The following CABIN1 variants were observed in gnomAD, a reference collection of about 807,000 sequenced individuals.
CABIN1 encodes calcineurin-binding protein cabin-1.
Under a neutral mutation model 227.7 loss-of-function variants are expected in CABIN1, and 133 were observed. That is an observed-to-expected ratio of 0.58 (90% CI 0.51 to 0.67). CABIN1 has a LOEUF of 0.67. Among genes scored for constraint, CABIN1 ranks in the 30% least tolerant of loss-of-function variants. CABIN1 has a pLI of 0.00. For synonymous variants in CABIN1, 1,086 were observed against 1,155.1 expected (o/e 0.94, Z 1.21); for missense variants, 2,408 against 2,852.5 (o/e 0.84, Z 3.55).
intron 29 of CABIN1, among the ~76,000 whole-genome samples, chr22:24,159,686 G>A (rs2046038879): frequency 6.6e-6 from 1 of 152,210 alleles, no homozygotes; most frequent in Non-Finnish European, 1.5e-5. Context: ...ATGGGGCAGG[G>A]GGTTGCATCT....
At position 24,041,153 on chromosome 22, in the gene CABIN1, T is replaced by C; in HGVS notation, c.225T>C (p.Gly75=). The C allele has an allele frequency of 6.2e-7, 1 of 1,614,076 alleles. No homozygotes were observed. Among genetic ancestry groups the C allele is most frequent in the Non-Finnish European group, 8.5e-7 (1 of 1,180,004 alleles). ...TTTGTTCACAGGCAGTTTCATCCGG[T>C]GATGAGAAAGAGGGGTTGAAACACC... ...ASLLREAVSS[G]DEKEGLKHPG... is the part of the protein sequence containing the mutation. Residue 75 remains glycine (G), a synonymous_variant, in exon 5 of 37, where the codon GGT becomes GGC. Transcript: ENST00000263119.
rs761000263 is a variant in CABIN1 at position 24,177,541 on chromosome 22, G to A, written c.6243G>A (p.Glu2081=). ...KLRPEPRRDG[E]AQEAASETQP... ...GGCCTGAGCCGAGAAGGGATGGGGAGGCTCAGGAGGCTGCGAGTGAGACTC... is the reference window on the plus strand; with the variant it reads ...GGCCTGAGCCGAGAAGGGATGGGGAAGCTCAGGAGGCTGCGAGTGAGACTC... The change falls in exon 36 of 37, where the codon GAG becomes GAA. Residue 2081 remains glutamate (E), a synonymous_variant. Coordinates refer to ENST00000263119, the MANE Select transcript of CABIN1 (RefSeq NM_012295.4). The surrounding 1 kb of genome is among the most constrained non-coding windows in gnomAD (Gnocchi z 4.4). The A allele has an allele frequency of 7.1e-6, 11 of 1,559,316 alleles. No homozygotes were observed. The highest frequency in any genetic ancestry group is 9.6e-6 in the Non-Finnish European group (11 of 1,149,134).
At chr22:24,081,773 T>C (rs1324924543) in intron 19 of CABIN1, among the ~76,000 whole-genome samples, 1 of 152,190 alleles carries the variant, frequency 6.6e-6, no homozygotes, top group African/African-American at 2.4e-5. Flanking sequence ...ACGCCTGTAA[T>C]CCCAGCACTT....
At chr22:24,098,621 A>G (rs997094010) in intron 26 of CABIN1, among the ~76,000 whole-genome samples, 1 of 152,096 alleles carries the variant, frequency 6.6e-6, no homozygotes, top group African/African-American at 2.4e-5. Flanking sequence ...AGGTTGAGGG[A>G]AGGCCGTGAC....
chr22:24,128,278 A>G (rs1189343672), intron 28 of CABIN1, among the ~76,000 whole-genome samples: 1 of 122,120 alleles, frequency 8.2e-6, no homozygotes, highest in African/African-American at 3.1e-5. Flanking sequence ...ATGACTTCTA[A>G]TGCCTACACA....
At chr22:24,108,069 A>G (rs188679249) in intron 26 of CABIN1, among the ~76,000 whole-genome samples, 1 of 152,324 alleles carries the variant, frequency 6.6e-6, no homozygotes, top group East Asian at 1.9e-4. Context: ...CAGGGCTGTC[A>G]CTTGTGTGCA....
In CABIN1 at chr22:24,035,474, G is replaced by T. The variant is rs948702560; in HGVS notation, c.-44G>T. The T allele has an allele frequency of 6.2e-7, 1 of 1,614,072 alleles. No homozygotes were observed. Among genetic ancestry groups the T allele is most frequent in the Non-Finnish European group, 8.5e-7 (1 of 1,179,914 alleles). On this transcript the variant is annotated 5_prime_UTR_variant, in exon 2 of 37. Coordinates refer to ENST00000263119, the MANE Select transcript of CABIN1 (RefSeq NM_012295.4). ...TTGTGGACTGGGGCAACCTTTGCCA[G>T]TGATGAGAAGTGATGCTCGTGGCAG... is the stretch of plus-strand genomic sequence containing the variant.
intron 18 of CABIN1, among the ~76,000 whole-genome samples, chr22:24,074,962 G>A (rs1218887662): frequency 7.2e-5 from 11 of 152,310 alleles, no homozygotes; most frequent in Non-Finnish European, 1.5e-5. Flanking sequence ...GGAGTTTGAG[G>A]CAGAAAGATT....
In CABIN1 at chr22:24,067,132, A is replaced by T. The variant is rs1183704929; in HGVS notation, c.2183A>T (p.Glu728Val). Residue 728 changes from glutamate to valine, a missense_variant, in exon 16 of 37, where the codon GAG (glutamate) becomes GTG (valine). Around this residue, in one of 3 missense-constraint regions of CABIN1, gnomAD observed 1,045 missense variants for 1,168.4 expected, o/e 0.89. Transcript: ENST00000263119. Reference sequence around the variant, plus strand: ...GGGTTTGACCGGGCCAAACACCTGGAGTTTATGACTTCCATTCCTGAGAGG... The same window carrying T: ...GGGTTTGACCGGGCCAAACACCTGGTGTTTATGACTTCCATTCCTGAGAGG... ...TSGFDRAKHL[E>V]FMTSIPERPA... The T allele has an allele frequency of 6.2e-7, 1 of 1,614,074 alleles. No individual in the cohort carries two copies. The highest frequency in any genetic ancestry group is 8.5e-7 in the Non-Finnish European group (1 of 1,180,048).
intron 6 of CABIN1, among the ~76,000 whole-genome samples, chr22:24,044,576 C>A (rs2037695781): frequency 6.6e-6 from 1 of 152,174 alleles, no homozygotes; most frequent in Non-Finnish European, 1.5e-5. Flanking sequence ...CTCTTATTTT[C>A]TCTATTTTAG....
intron 17 of CABIN1, chr22:24,071,248 G>A (rs2040063744): frequency 3.0e-6 from 2 of 665,038 alleles, no homozygotes; most frequent in South Asian, 3.5e-5. Context: ...CTGGGGATTA[G>A]AGACTGTGTA....
intron 18 of CABIN1, among the ~76,000 whole-genome samples, chr22:24,073,425 GGAAA>G (rs2040230087): frequency 6.6e-6 from 1 of 152,194 alleles, no homozygotes; most frequent in African/African-American, 2.4e-5. Flanking sequence ...AAAGTGGAAA[GGAAA>G]GAGTCATCCC....
At chr22:24,013,197 C>T (rs1601606927) in intron 1 of CABIN1, among the ~76,000 whole-genome samples, 10 of 113,510 alleles carry the variant, frequency 8.8e-5, no homozygotes, top group South Asian at 2.7e-4. Context: ...TCTTTTTAAG[C>T]TTTTTTTTTT....
At chr22:24,140,201 C>A (rs1015539113) in intron 29 of CABIN1, among the ~76,000 whole-genome samples, 1 of 152,160 alleles carries the variant, frequency 6.6e-6, no homozygotes, top group Non-Finnish European at 1.5e-5. Context: ...GTGAGTGGGA[C>A]CTTGGGTTCC....
intron 14 of CABIN1, 150 bp downstream of exon 14, chr22:24,063,296 G>C (rs2039337192): frequency 1.3e-6 from 1 of 779,558 alleles, no homozygotes; most frequent in Non-Finnish European, 2.1e-6. Flanking sequence ...CCCGGGCACT[G>C]GGCTTGGCAT....
At chr22:24,153,534 C>G (rs1197780843) in intron 29 of CABIN1, among the ~76,000 whole-genome samples, 1 of 152,206 alleles carries the variant, frequency 6.6e-6, no homozygotes, top group Non-Finnish European at 1.5e-5. Context: ...TCACATGACG[C>G]TCCAGGGACC....
intron 2 of CABIN1, among the ~76,000 whole-genome samples, chr22:24,035,734 TA>T (rs1452717448): frequency 1.3e-5 from 2 of 152,038 alleles, no homozygotes; most frequent in African/African-American, 4.8e-5. Flanking sequence ...TGGAAAGACA[TA>T]AAGTTAACAT....
intron 27 of CABIN1, among the ~76,000 whole-genome samples, chr22:24,115,219 C>T (rs1182530471): frequency 6.6e-6 from 1 of 152,190 alleles, no homozygotes; most frequent in Non-Finnish European, 1.5e-5. Flanking sequence ...TCATCATGAG[C>T]TTCTTTCCCA....
At position 24,065,442 on chromosome 22, in the gene CABIN1, C is replaced by T. The variant is rs1292341744; in HGVS notation, c.2037+1255C>T. Among the ~76,000 whole-genome samples the T allele has an allele frequency of 8.1e-5, 12 of 147,374 alleles. No individual in the cohort carries two copies. The East Asian group carries it at 1.2e-3, about 15-fold the overall frequency. ...GCAGAGGCGCTCCCCACATCTCAGA[C>T]GATGGGCGGCCGGGCAGAGACGCTC... On this transcript the variant is annotated intron_variant, in intron 15 of 36. Transcript: ENST00000263119.
Sources: allele counts gnomAD v4.1 joint callset (sites outside exome capture counted in the v4.1 genomes callset), GRCh38; gene constraint gnomAD v4.1.1; regional missense constraint gnomAD v4.1.1; non-coding constraint Gnocchi (gnomAD v3.1); transcripts MANE v1.5; gene names NCBI Gene and HGNC (gene_info 2026-07-23, HGNC 2026-07-21).